The following LCMT1 variants were observed in gnomAD, a reference collection of about 807,000 sequenced individuals.
LCMT1 encodes the protein leucine carboxyl methyltransferase 1.
LCMT1 carries 32 observed loss-of-function variants against 47.7 expected under a neutral mutation model. The observed-to-expected ratio is 0.67, with a 90% confidence interval of 0.51 to 0.90. The LOEUF (loss-of-function observed/expected upper bound fraction) is 0.90, where lower values mean the gene tolerates loss of function less well. Ranked by LOEUF, LCMT1 falls within the 40% of genes least tolerant of loss-of-function variation. The probability of loss-of-function intolerance (pLI) is 0.00; values close to 1 mark genes in which losing one functional copy is unlikely to be tolerated. For synonymous variants in LCMT1, 152 were observed against 149.7 expected (o/e 1.02, Z -0.11); for missense variants, 375 against 415.2 (o/e 0.90, Z 0.84).
chr16:25,115,901 T>C (rs771399628), intron 1 of LCMT1, among the ~76,000 whole-genome samples: 8 of 152,200 alleles, frequency 5.3e-5, no homozygotes, highest in Non-Finnish European at 1.2e-4. Flanking sequence ...TGGTCTCGAA[T>C]GCCTGACCTC....
intron 5 of LCMT1, among the ~76,000 whole-genome samples, chr16:25,157,916 G>A (rs911233666): frequency 1.4e-4 from 22 of 152,300 alleles, no homozygotes; most frequent in African/African-American, 4.6e-4. Context: ...ACACTCAGCA[G>A]TTCTTTTTAA....
chr16:25,127,004 TC>T (rs1049586963), intron 1 of LCMT1, among the ~76,000 whole-genome samples: 1 of 152,290 alleles, frequency 6.6e-6, no homozygotes, highest in Admixed American at 6.5e-5. Flanking sequence ...AATCAGTGTT[TC>T]CCAAACTGCC....
intron 7 of LCMT1, among the ~76,000 whole-genome samples, chr16:25,166,491 C>T (rs539751093): frequency 3.2e-4 from 49 of 152,116 alleles, no homozygotes; most frequent in Non-Finnish European, 3.7e-4. Flanking sequence ...CAGCCTCGAC[C>T]GCGGGCTCAG....
chr16:25,128,385 C>T (rs1960249248), intron 1 of LCMT1, 90 bp from the exon 2 acceptor site: 5 of 933,804 alleles, frequency 5.4e-6, no homozygotes, highest in Non-Finnish European at 8.2e-6. Flanking sequence ...TCGTCGAGTT[C>T]CTTGATCTGG....
In LCMT1 at chr16:25,149,476, C is replaced by T. The variant is rs746152773; in HGVS notation, c.405-2078C>T. 2.9e-4 allele frequency among the ~76,000 whole-genome samples: 44 copies of T among 152,136 alleles called. 1 individual carries two copies. Among genetic ancestry groups the T allele is most frequent in the Non-Finnish European group, 4.6e-4 (31 of 68,034 alleles). ...GTCTGGTTAAACATGAAGAAGGAGC[C>T]GTATCCCATTCCTGTTCTTTTTCAT... On this transcript the variant is annotated intron_variant, in intron 4 of 10. Transcript: ENST00000399069.
chr16:25,174,936 G>T lies in LCMT1; in HGVS notation c.885-1G>T. The T allele has an allele frequency of 1.3e-6, 2 of 1,570,254 alleles. No homozygotes were observed. Among genetic ancestry groups the T allele is most frequent in the Non-Finnish European group, 8.7e-7 (1 of 1,143,526 alleles). ...TCGTTCTATTTTAATTCTTTCCACA[G>T]GATAGAATCACTTGAATTCCTGGAT... is the stretch of plus-strand genomic sequence containing the variant. On this transcript the variant is annotated splice_acceptor_variant, in intron 9 of 10. Coordinates refer to ENST00000399069, the MANE Select transcript of LCMT1 (RefSeq NM_016309.3). LOFTEE classifies it high-confidence loss of function.
At chr16:25,134,850 C>T (rs1243340010) in intron 3 of LCMT1, among the ~76,000 whole-genome samples, 1 of 152,214 alleles carries the variant, frequency 6.6e-6, no homozygotes, top group Non-Finnish European at 1.5e-5. Flanking sequence ...GTCCACCTGC[C>T]TTAGCCTCCC....
chr16:25,175,522 C>G (rs562357156), intron 10 of LCMT1, among the ~76,000 whole-genome samples: 64 of 151,830 alleles, frequency 4.2e-4, no homozygotes, highest in African/African-American at 1.5e-3. Context: ...ATCCCAGCTA[C>G]TTGGGAGGCT....
chr16:25,116,717 C>CAAAAAA (rs61022139), intron 1 of LCMT1, among the ~76,000 whole-genome samples: 1 of 63,522 alleles, frequency 1.6e-5, no homozygotes, highest in African/African-American at 5.3e-5. Context: ...CTCCTCTCCA[C>CAAAAAA]AAAAAAAAAA....
chr16:25,173,027 A>G (rs573014656), intron 9 of LCMT1, among the ~76,000 whole-genome samples: 74 of 152,316 alleles, frequency 4.9e-4, no homozygotes, highest in Non-Finnish European at 1.0e-3. Context: ...AGGAGATTGG[A>G]AGGCCTTTGT....
chr16:25,120,760 T>G (rs1323215982), intron 1 of LCMT1, among the ~76,000 whole-genome samples: 1 of 147,506 alleles, frequency 6.8e-6, no homozygotes, highest in African/African-American at 2.5e-5. Context: ...TTGTTTTTTT[T>G]TTTTTGAGAT....
chr16:25,158,472 A>T (rs191499427), intron 5 of LCMT1, among the ~76,000 whole-genome samples: 2 of 152,334 alleles, frequency 1.3e-5, no homozygotes, highest in East Asian at 3.9e-4. Context: ...GTATCACACA[A>T]AATGATTTCA....
At chr16:25,112,775 T>C (rs1348747381) in intron 1 of LCMT1, among the ~76,000 whole-genome samples, 1 of 152,138 alleles carries the variant, frequency 6.6e-6, no homozygotes, top group Non-Finnish European at 1.5e-5. Context: ...AAATATATAA[T>C]TATGATTTTT....
chr16:25,174,903 C>T (rs539946406), intron 9 of LCMT1, 34 bp from the exon 10 acceptor site: 8 of 1,149,618 alleles, frequency 7.0e-6, no homozygotes, highest in Non-Finnish European at 1.0e-5. Context: ...TCAATGCAGA[C>T]ACTTGCATCG....
chr16:25,169,457 A>T (rs1030527070), intron 8 of LCMT1: 5 of 366,364 alleles, frequency 1.4e-5, no homozygotes, highest in African/African-American at 2.0e-5. Context: ...ACAAACATAA[A>T]GGTAGAGGGA....
chr16:25,125,929 A>G (rs113488031), intron 1 of LCMT1: 5 of 1,129,456 alleles, frequency 4.4e-6, no homozygotes, highest in Middle Eastern at 4.2e-4. Flanking sequence ...CTGATGTCCT[A>G]TAAATCCTAA....
At chr16:25,173,173 C>T (rs150760510) in intron 9 of LCMT1, among the ~76,000 whole-genome samples, 1 of 152,330 alleles carries the variant, frequency 6.6e-6, no homozygotes, top group East Asian at 1.9e-4. Flanking sequence ...TGAGTGTCTG[C>T]TGTGTGCCCG....
rs1326800125 is a variant in LCMT1 at position 25,142,873 on chromosome 16, G to A, written c.404+2626G>A. 3 of 152,202 alleles carry A rather than the reference G, an allele frequency of 2.0e-5. No homozygotes were observed. In the East Asian group the frequency reaches 5.8e-4, roughly 29 times the overall value. 9.4% of individuals were successfully genotyped at this position (152,202 alleles called of 1,614,324 possible). On this transcript the variant is annotated intron_variant, in intron 4 of 10. Transcript: ENST00000399069. Reference sequence around the variant, plus strand: ...TTTTCAGGAGTAAAATGGGCCATCTGGGCGAGTCTGGAAACATTTAGGAGA... The same window carrying A: ...TTTTCAGGAGTAAAATGGGCCATCTAGGCGAGTCTGGAAACATTTAGGAGA...
chr16:25,139,396 G>A (rs985544470), intron 3 of LCMT1, among the ~76,000 whole-genome samples: 5 of 151,892 alleles, frequency 3.3e-5, no homozygotes, highest in Admixed American at 1.3e-4. Context: ...TGTAATCCTC[G>A]CTACTCTGGA....
Sources: gnomAD v4.1 joint callset for allele counts (sites outside exome capture counted in the v4.1 genomes callset) on GRCh38, gnomAD v4.1.1 for gene constraint, MANE v1.5 for transcripts, NCBI Gene and HGNC (gene_info 2026-07-23, HGNC 2026-07-21) for gene names.